MACROD2: variants seen among roughly 807,000 people sequenced by gnomAD.
The protein encoded by MACROD2 is mono-ADP ribosylhydrolase 2, also known as ADP-ribose glycohydrolase MACROD2.
Under a neutral mutation model 70.4 loss-of-function variants are expected in MACROD2, and 36 were observed. The ratio of observed to expected loss-of-function variants is 0.51; its 90% CI spans 0.39 to 0.68. The LOEUF (loss-of-function observed/expected upper bound fraction) is 0.68. Among genes scored for constraint, MACROD2 ranks in the 30% least tolerant of loss-of-function variants. The pLI is 0.00. For synonymous variants in MACROD2, 172 were observed against 178.8 expected (o/e 0.96, Z 0.30); for missense variants, 496 against 538.4 (o/e 0.92, Z 0.78).
At chr20:15,697,973 G>T (rs2050400244) in intron 8 of MACROD2, among the ~76,000 whole-genome samples, 1 of 152,144 alleles carries the variant, frequency 6.6e-6, no homozygotes, top group Non-Finnish European at 1.5e-5. Context: ...GTCTCCTAAA[G>T]GCAGCAGATG....
chr20:15,979,337 G>C (rs2066360578), intron 13 of MACROD2, among the ~76,000 whole-genome samples: 1 of 152,042 alleles, frequency 6.6e-6, no homozygotes, highest in Non-Finnish European at 1.5e-5. Context: ...GGATCTTAAG[G>C]CTTCTGCTTG....
At chr20:14,093,485 T>C (rs924455692) in intron 3 of MACROD2, among the ~76,000 whole-genome samples, 1 of 152,128 alleles carries the variant, frequency 6.6e-6, no homozygotes, top group South Asian at 2.1e-4. Context: ...AGATTCTGCC[T>C]CACAAAGCAG....
intron 8 of MACROD2, among the ~76,000 whole-genome samples, chr20:15,667,278 T>G (rs2049912045): frequency 6.6e-6 from 1 of 152,166 alleles, no homozygotes; most frequent in Non-Finnish European, 1.5e-5. Flanking sequence ...CCATATGATG[T>G]GCACGCTCCC....
chr20:15,863,856 G>A (rs2064458037), intron 9 of MACROD2, among the ~76,000 whole-genome samples: 1 of 152,178 alleles, frequency 6.6e-6, no homozygotes, highest in African/African-American at 2.4e-5. Flanking sequence ...GAGATGGTCA[G>A]CTCTCTGCTA....
At chr20:14,475,752 T>G (rs2084585532) in intron 3 of MACROD2, among the ~76,000 whole-genome samples, 1 of 152,166 alleles carries the variant, frequency 6.6e-6, no homozygotes, top group Non-Finnish European at 1.5e-5. Flanking sequence ...TTGAGGAGTC[T>G]GCTGCCAGAT....
intron 6 of MACROD2, among the ~76,000 whole-genome samples, chr20:15,293,248 T>A (rs894662901): frequency 1.3e-5 from 2 of 152,260 alleles, no homozygotes; most frequent in Non-Finnish European, 2.9e-5. Flanking sequence ...TCATATGCAA[T>A]GATTTAGGTA....
chr20:15,049,094 A>G (rs2075418805), intron 5 of MACROD2, among the ~76,000 whole-genome samples: 1 of 152,172 alleles, frequency 6.6e-6, no homozygotes, highest in Non-Finnish European at 1.5e-5. Context: ...GTCCAAAAGA[A>G]AGAACATTAT....
intron 4 of MACROD2, among the ~76,000 whole-genome samples, chr20:14,538,388 C>G (rs1296277940): frequency 2.6e-5 from 4 of 152,198 alleles, no homozygotes; most frequent in Non-Finnish European, 5.9e-5. Context: ...CACAAGCCTT[C>G]CCTCTGTTAC....
intron 8 of MACROD2, among the ~76,000 whole-genome samples, chr20:15,740,028 G>T (rs185089966): frequency 1.2e-4 from 19 of 152,322 alleles, no homozygotes; most frequent in African/African-American, 4.1e-4. Flanking sequence ...TCATGACAAG[G>T]TTTATGTCTA....
intron 10 of MACROD2, among the ~76,000 whole-genome samples, chr20:15,905,368 T>A (rs1468631077): frequency 1.3e-5 from 2 of 152,238 alleles, no homozygotes; most frequent in African/African-American, 2.4e-5. Context: ...TGGATCTTTT[T>A]ATAGTAACTT....
chr20:15,907,943 A>G (rs1026328699), intron 10 of MACROD2, among the ~76,000 whole-genome samples: 3 of 152,096 alleles, frequency 2.0e-5, no homozygotes, highest in Non-Finnish European at 4.4e-5. Flanking sequence ...TGGTTAACTA[A>G]TATTTCTCAA....
intron 8 of MACROD2, among the ~76,000 whole-genome samples, chr20:15,754,376 A>C (rs2051315382): frequency 6.6e-6 from 1 of 152,194 alleles, no homozygotes; most frequent in Admixed American, 6.5e-5. Flanking sequence ...TAATCTCAGC[A>C]CTTTAGGAGG....
intron 5 of MACROD2, among the ~76,000 whole-genome samples, chr20:15,203,147 C>A (rs1486966724): frequency 6.6e-6 from 1 of 152,064 alleles, no homozygotes; most frequent in Admixed American, 6.6e-5. Flanking sequence ...ATATCTGATG[C>A]CACATTGGAT....
At chr20:14,773,632 G>T (rs1033881164) in intron 5 of MACROD2, among the ~76,000 whole-genome samples, 7 of 151,996 alleles carry the variant, frequency 4.6e-5, no homozygotes, top group Non-Finnish European at 7.4e-5. Flanking sequence ...GTGTATATAT[G>T]TCACATTTGC....
At chr20:14,570,029 A>G (rs916910156) in intron 4 of MACROD2, among the ~76,000 whole-genome samples, 1 of 152,078 alleles carries the variant, frequency 6.6e-6, no homozygotes, top group Non-Finnish European at 1.5e-5. Flanking sequence ...TAAGTCTATA[A>G]CCAACAGAAA....
At chr20:14,943,150 T>A (rs1351055174) in intron 5 of MACROD2, among the ~76,000 whole-genome samples, 3 of 152,212 alleles carry the variant, frequency 2.0e-5, no homozygotes, top group African/African-American at 4.8e-5. Flanking sequence ...AAAGGCAGAC[T>A]TGAATTGAAA....
At chr20:14,135,942 G>A (rs2054790150) in intron 3 of MACROD2, among the ~76,000 whole-genome samples, 1 of 152,158 alleles carries the variant, frequency 6.6e-6, no homozygotes, top group African/African-American at 2.4e-5. Flanking sequence ...ATGTAAGAAT[G>A]TCCATGCTCA....
intron 5 of MACROD2, among the ~76,000 whole-genome samples, chr20:15,215,093 C>G (rs1193512542): frequency 6.6e-6 from 1 of 151,960 alleles, no homozygotes; most frequent in Non-Finnish European, 1.5e-5. Context: ...TGTGTAAATC[C>G]ATGTTTATTT....
intron 8 of MACROD2, among the ~76,000 whole-genome samples, chr20:15,708,409 G>T (rs1046943423): frequency 3.3e-5 from 5 of 152,166 alleles, no homozygotes; most frequent in Non-Finnish European, 5.9e-5. Flanking sequence ...ATGCAACTGA[G>T]GGATGTGAGG....
Sources: allele counts gnomAD v4.1 joint callset (sites outside exome capture counted in the v4.1 genomes callset), GRCh38; gene constraint gnomAD v4.1.1; transcripts MANE v1.5; gene names NCBI Gene and HGNC (gene_info 2026-07-23, HGNC 2026-07-21).